The following ATAD5 variants were observed in gnomAD, a reference collection of about 807,000 sequenced individuals.
The protein encoded by ATAD5 is ATPase family AAA domain-containing protein 5.
Under a neutral mutation model 176.9 loss-of-function variants are expected in ATAD5, and 58 were observed. The observed-to-expected ratio is 0.33, with a 90% confidence interval of 0.27 to 0.41. ATAD5 has a LOEUF of 0.41. ATAD5 is among the 10% of genes least tolerant of loss of function. ATAD5 has a pLI of 1.00. For synonymous variants in ATAD5, 640 were observed against 712.6 expected (o/e 0.90, Z 1.62); for missense variants, 1,789 against 2,094.1 (o/e 0.85, Z 2.84).
At chr17:30,838,103 A>G (rs1329364494) in intron 3 of ATAD5, among the ~76,000 whole-genome samples, 1 of 152,222 alleles carries the variant, frequency 6.6e-6, no homozygotes, top group Non-Finnish European at 1.5e-5. Flanking sequence ...ATGACAACCA[A>G]AAATGTGTCC....
chr17:30,846,487 C>T (rs529557954), intron 6 of ATAD5, among the ~76,000 whole-genome samples: 43 of 150,760 alleles, frequency 2.9e-4, no homozygotes, highest in Admixed American at 6.6e-4. Context: ...ACTGCAACCT[C>T]TGCCTCCCGG....
In ATAD5 at chr17:30,834,606, A is replaced by C; in HGVS notation, c.525A>C (p.Thr175=). Residue 175 remains threonine, a synonymous_variant, in exon 2 of 23, where the codon ACA becomes ACC. Coordinates refer to ENST00000321990, the MANE Select transcript of ATAD5 (RefSeq NM_024857.5). ...TACTTGCAGAAAACATTCAAGATAC[A>C]AAAAGTCAACCAAATACTATGACCT... ...VEVLAENIQD[T]KSQPNTMTSL... 6.2e-7 allele frequency: 1 copy of C among 1,611,666 alleles called. No individual in the cohort carries two copies. The highest frequency in any genetic ancestry group is 8.5e-7 in the Non-Finnish European group (1 of 1,179,470).
chr17:30,861,068 G>T (rs1436808856), intron 10 of ATAD5, among the ~76,000 whole-genome samples: 2 of 151,972 alleles, frequency 1.3e-5, no homozygotes, highest in Non-Finnish European at 2.9e-5. Context: ...CTCCCAAAGT[G>T]CTGGGATTAC....
chr17:30,889,171 T>C (rs1184142042), intron 19 of ATAD5, among the ~76,000 whole-genome samples: 3 of 148,712 alleles, frequency 2.0e-5, no homozygotes, highest in African/African-American at 7.3e-5. Context: ...TCTTTCTTTT[T>C]TTTTTTTTTT....
At chr17:30,844,116 G>T in intron 5 of ATAD5, 77 bp downstream of exon 5, 1 of 1,177,556 alleles carries the variant, frequency 8.5e-7, no homozygotes, top group Admixed American at 3.0e-5. Context: ...TTTGTGTTCT[G>T]GGGTATTTAT....
chr17:30,832,309 G>C lies in ATAD5; in HGVS notation c.-39G>C, dbSNP rs764955164. 1 of 1,489,670 alleles carries C rather than the reference G, an allele frequency of 6.7e-7. No individual in the cohort carries two copies. The highest frequency in any genetic ancestry group is 9.0e-7 in the Non-Finnish European group (1 of 1,112,576). The allele number at this position is 1,489,670 out of a possible 1,614,324, so 92.3% of individuals were successfully genotyped here. A position where few individuals can be genotyped will look rare whatever the true frequency, so the allele number is the denominator to read the frequency against. On this transcript the variant is annotated 5_prime_UTR_variant, in exon 1 of 23. Transcript: ENST00000321990. ...CTCCAGGCAGGCCGGGCTGGACCGCGTGAGGTCCTAGGAGACGGGATTCCG... is the reference window on the plus strand; with the variant it reads ...CTCCAGGCAGGCCGGGCTGGACCGCCTGAGGTCCTAGGAGACGGGATTCCG...
rs750477216 is a variant in ATAD5, at chr17:30,834,542, G to A, written c.461G>A (p.Ser154Asn). 3 of 1,596,632 alleles carry A rather than the reference G, an allele frequency of 1.9e-6. No homozygotes were observed. Among genetic ancestry groups the A allele is most frequent in the South Asian group, 2.3e-5 (2 of 86,630 alleles). Residue 154 changes from serine to asparagine, a missense_variant, in exon 2 of 23, where the codon AGT becomes AAT. Around this residue, in one of 6 missense-constraint regions of ATAD5, gnomAD observed 696 missense variants for 712.5 expected, o/e 0.98. Coordinates refer to ENST00000321990, the MANE Select transcript of ATAD5 (RefSeq NM_024857.5). The part of the protein sequence containing the change: ...DYSLNNDFVE[S>N]STSVLRYKKQ... The stretch of plus-strand genomic sequence containing the variant: ...AGTTTAAATAATGATTTTGTGGAAA[G>A]TAGTACTTCTGTTTTACGTTACAAG...
rs58611804 is a variant in ATAD5, at chr17:30,863,664, C to CTTTT, written c.3137-2025_3137-2022dup. ...TACAGGCGTGAGCCACCGCGTCCGG[C>CTTTT]TTTTTTTTTTTTTTTTTTGAGACAA... On this transcript the variant is annotated intron_variant, in intron 10 of 22. Coordinates refer to ENST00000321990, the MANE Select transcript of ATAD5 (RefSeq NM_024857.5). 2.6e-3 allele frequency among the ~76,000 whole-genome samples: 279 copies of CTTTT among 107,246 alleles called. 3 individuals are homozygous for CTTTT. Among genetic ancestry groups the CTTTT allele is most frequent in the Non-Finnish European group, 3.8e-3 (212 of 56,002 alleles). 70.4% of individuals were successfully genotyped at this position (107,246 alleles called of 152,430 possible).
chr17:30,884,105 T>C (rs934188844), intron 18 of ATAD5, among the ~76,000 whole-genome samples: 1 of 152,116 alleles, frequency 6.6e-6, no homozygotes, highest in Middle Eastern at 3.2e-3. Flanking sequence ...ACTTTGTTTA[T>C]ATGAATTTGA....
intron 19 of ATAD5, among the ~76,000 whole-genome samples, chr17:30,890,423 T>C (rs78231775): frequency 0.032 from 3,708 of 114,948 alleles, 140 homozygotes; most frequent in African/African-American, 0.1. Flanking sequence ...CTTTTCTTTT[T>C]TTTTTTTTTT....
Position 30,895,211 on chromosome 17 carries a change from A to T in ATAD5, c.*298A>T. ...TTCATTAAGATGAACTCCCTATTTC[A>T]AGTGTTTATATTATATATTAGCTTA... On this transcript the variant is annotated 3_prime_UTR_variant, in exon 23 of 23. Coordinates refer to ENST00000321990, the MANE Select transcript of ATAD5 (RefSeq NM_024857.5). 2 of 210,750 alleles carry T rather than the reference A, an allele frequency of 9.5e-6. No homozygotes were observed. The highest frequency in any genetic ancestry group is 2.6e-4 in the South Asian group (2 of 7,562). The allele number at this position is 210,750 out of a possible 1,614,324, so 13.1% of individuals were successfully genotyped here.
chr17:30,851,643 C>T (rs1906977021), intron 6 of ATAD5, among the ~76,000 whole-genome samples: 1 of 152,030 alleles, frequency 6.6e-6, no homozygotes, highest in African/African-American at 2.4e-5. Flanking sequence ...AGTGCAATGG[C>T]ACTATCTTGG....
rs1400932062 is a variant in ATAD5 at position 30,832,231 on chromosome 17, G to C, written c.-117G>C. ...GGTGGGCGCGGGGGAATCCGAAACG[G>C]CTCAGCAGAATCCCAGCAGCTTGCT... On this transcript the variant is annotated 5_prime_UTR_variant, in exon 1 of 23. Transcript: ENST00000321990. 2 of 914,724 alleles carry C rather than the reference G, an allele frequency of 2.2e-6. No individual in the cohort carries two copies. The highest frequency in any genetic ancestry group is 3.1e-6 in the Non-Finnish European group (2 of 655,620). The allele number at this position is 914,724 out of a possible 1,614,324, so 56.7% of individuals were successfully genotyped here.
intron 19 of ATAD5, among the ~76,000 whole-genome samples, chr17:30,889,870 T>C (rs1909527138): frequency 6.7e-6 from 1 of 149,796 alleles, no homozygotes; most frequent in South Asian, 2.1e-4. Context: ...TTTTTCTTTT[T>C]TCTTTTCTTT....
intron 11 of ATAD5, among the ~76,000 whole-genome samples, chr17:30,866,730 G>T (rs1339815280): frequency 2.0e-5 from 3 of 151,916 alleles, no homozygotes; most frequent in Non-Finnish European, 4.4e-5. Context: ...CATGAGAATC[G>T]CCTGAACCCG....
rs1324986728 is a variant in ATAD5, at chr17:30,876,303, G to A, written c.3608-71G>A. ...ACTGTTAAGAGTAGAAATACAGAAT[G>A]TGGCTAACTGTCTTGCTACCTGTAT... is the stretch of plus-strand genomic sequence containing the variant. On this transcript the variant is annotated intron_variant, in intron 14 of 22. Transcript: ENST00000321990. 73 of 1,334,740 alleles carry A rather than the reference G, an allele frequency of 5.5e-5. No individual in the cohort carries two copies. The South Asian group carries it at 9.4e-4, about 17-fold the overall frequency. 82.7% of individuals were successfully genotyped at this position (1,334,740 alleles called of 1,614,324 possible).
At chr17:30,859,398 C>T (rs755469816) in intron 9 of ATAD5, among the ~76,000 whole-genome samples, 26 of 152,184 alleles carry the variant, frequency 1.7e-4, no homozygotes, top group East Asian at 3.9e-4. Flanking sequence ...CTTGCTCTGA[C>T]ACCCAGGCTG....
intron 7 of ATAD5, 38 bp from the exon 8 acceptor site, chr17:30,856,917 A>G (rs1247914132): frequency 6.6e-7 from 1 of 1,511,422 alleles, no homozygotes; most frequent in African/African-American, 1.4e-5. Flanking sequence ...ATAGTGTATA[A>G]ATAAGGTTTA....
intron 8 of ATAD5, 41 bp downstream of exon 8, chr17:30,857,153 T>G: frequency 6.4e-7 from 1 of 1,560,596 alleles, no homozygotes; most frequent in South Asian, 1.2e-5. Flanking sequence ...GTGTTTCCCT[T>G]ACATCTTGCA....
Sources: allele counts gnomAD v4.1 joint callset (sites outside exome capture counted in the v4.1 genomes callset), GRCh38; gene constraint gnomAD v4.1.1; regional missense constraint gnomAD v4.1.1; transcripts MANE v1.5; gene names NCBI Gene and HGNC (gene_info 2026-07-23, HGNC 2026-07-21).